The following CP variants were observed in gnomAD, a reference collection of about 807,000 sequenced individuals.
CP encodes ceruloplasmin, also known as caeruloplasmin.
In CP, 64 loss-of-function variants were observed where a neutral mutation model predicts 122.4. The ratio of observed to expected loss-of-function variants is 0.52; its 90% CI spans 0.43 to 0.64. The LOEUF (loss-of-function observed/expected upper bound fraction) is 0.64, where lower values mean the gene tolerates loss of function less well. Ranked by LOEUF, CP falls within the 30% of genes least tolerant of loss-of-function variation. The pLI, the probability that CP is intolerant of heterozygous loss-of-function variation, is 0.00. For missense variants in CP, 1,167 were observed against 1,284.4 expected (o/e 0.91, Z 1.40); for synonymous variants, 440 against 436.4 (o/e 1.01, Z -0.10).
intron 14 of CP, among the ~76,000 whole-genome samples, 156 bp downstream of exon 14, chr3:149,181,849 G>A (rs1187187030): frequency 2.0e-5 from 3 of 151,970 alleles, no homozygotes; most frequent in Admixed American, 6.6e-5. Flanking sequence ...GCATGTGCAT[G>A]TACTTGCATA....
Position 149,221,745 on chromosome 3 carries a change from T to A in CP, c.48A>T (p.Pro16=). The A allele has an allele frequency of 6.2e-7, 1 of 1,613,818 alleles. No individual in the cohort carries two copies. The change falls in exon 1 of 19, where the codon CCA becomes CCT. Residue 16 remains proline, a synonymous_variant. Coordinates refer to ENST00000264613, the MANE Select transcript of CP (RefSeq NM_000096.4). ...AATAATGCTTTTCTTTCGCCCAGGC[T>A]GGGGTACTACATAAAAACAGAAAAA... The part of the protein sequence containing the change: ...LGIFLFLCST[P]AWAKEKHYYI...
chr3:149,182,234 G>T (rs544243544), intron 13 of CP, 101 bp from the exon 14 acceptor site: 1 of 1,359,064 alleles, frequency 7.4e-7, no homozygotes, highest in Non-Finnish European at 1.0e-6. Context: ...CCATGGGTTT[G>T]TGGTATAATA....
chr3:149,195,305 C>T (rs1726828291), intron 9 of CP, among the ~76,000 whole-genome samples: 1 of 152,120 alleles, frequency 6.6e-6, no homozygotes, highest in African/African-American at 2.4e-5. Flanking sequence ...AGCTTTTGTC[C>T]CAACAATACA....
Position 149,207,485 on chromosome 3 carries a change from G to A in CP, c.914C>T (p.Thr305Ile), listed in dbSNP as rs1727820693. 1.2e-6 allele frequency: 2 copies of A among 1,613,876 alleles called. No individual in the cohort carries two copies. The highest frequency in any genetic ancestry group is 2.7e-5 in the African/African-American group (2 of 74,912). The change falls in exon 5 of 19, where the codon ACT (threonine) becomes ATT (isoleucine). Residue 305 changes from threonine (T) to isoleucine (I), a missense_variant. This residue lies in a region of CP where 642 missense variants were observed against 627.3 expected (regional missense o/e 1.02). Transcript: ENST00000264613. ...HAAFFHGQAL[T>I]NKNYRIDTIN... ...TGTGTCAATACGGTAGTTCTTGTTA[G>A]TCAGTGCTTGCCCGTGAAAGAAAGC...
At chr3:149,184,841 G>A (rs1726045336) in intron 12 of CP, among the ~76,000 whole-genome samples, 1 of 152,302 alleles carries the variant, frequency 6.6e-6, no homozygotes, top group Non-Finnish European at 1.5e-5. Flanking sequence ...ATGACCGATT[G>A]TTAGACTAAC....
rs759315393 is a variant in CP, at chr3:149,186,633, ACATCGG to A, written c.1958_1963del (p.Ala653_Asp654del). On this transcript the variant is annotated inframe_deletion, in exon 11 of 19. Coordinates refer to ENST00000264613, the MANE Select transcript of CP (RefSeq NM_000096.4). ...GTTTCCTGAAAAGTATATTCCATGT[ACATCGG>A]CCTCATTTCCGGCGCTGAATAAGTA... 9 of 1,614,182 alleles carry A rather than the reference ACATCGG, an allele frequency of 5.6e-6. No homozygotes were observed. Among genetic ancestry groups the A allele is most frequent in the Non-Finnish European group, 6.8e-6 (8 of 1,180,026 alleles).
downstream of CP, among the ~76,000 whole-genome samples, chr3:149,169,536 G>A (rs567324549): frequency 1.3e-4 from 20 of 152,194 alleles, no homozygotes; most frequent in Admixed American, 2.6e-4. Flanking sequence ...GTAATTGTCC[G>A]TGTGCGTGGG....
intron 18 of CP, among the ~76,000 whole-genome samples, chr3:149,175,158 TTACATGCAA>T (rs1226828024): frequency 7.2e-5 from 11 of 152,094 alleles, no homozygotes; most frequent in African/African-American, 2.7e-4. Flanking sequence ...TTTGTGTGGT[TTACATGCAA>T]CCACATGTAA....
intron 1 of CP, among the ~76,000 whole-genome samples, chr3:149,219,971 C>T (rs57469291): frequency 5.9e-5 from 9 of 152,154 alleles, no homozygotes; most frequent in African/African-American, 2.2e-4. Flanking sequence ...TCCATTAAAC[C>T]TCTTTTTCTT....
intron 9 of CP, among the ~76,000 whole-genome samples, chr3:149,195,823 G>A (rs1726863161): frequency 6.7e-6 from 1 of 148,938 alleles, no homozygotes; most frequent in Non-Finnish European, 1.5e-5. Context: ...CTGAGATCAT[G>A]CCACTGCACT....
In CP at chr3:149,207,334, A is replaced by G. The variant is rs746141659; in HGVS notation, c.1036+29T>C. ...TCCCAGTAACCACCTTTTTCAGCTG[A>G]CTGCTAATTTCAGGTAAAGATGTCC... is the stretch of plus-strand genomic sequence containing the variant. On this transcript the variant is annotated intron_variant, in intron 5 of 18. Coordinates refer to ENST00000264613, the MANE Select transcript of CP (RefSeq NM_000096.4). 34 of 1,613,628 alleles carry G rather than the reference A, an allele frequency of 2.1e-5. No homozygotes were observed. In the South Asian group the frequency reaches 3.3e-4, roughly 16 times the overall value.
In CP at chr3:149,179,645, CGTAA is replaced by C. The variant is rs1176712883; in HGVS notation, c.2568_2571del (p.Val858GlyfsTer35). 3.7e-6 allele frequency: 6 copies of C among 1,603,740 alleles called. No individual in the cohort carries two copies. In the African/African-American group the frequency reaches 4.0e-5, roughly 11 times the overall value. On this transcript the variant is annotated frameshift_variant, in exon 15 of 19. Transcript: ENST00000264613. LOFTEE classifies it high-confidence loss of function. ...CCAGATCTTTCTGGGATTTTCCATA[CGTAA>C]GTGAGAGTTTCACCTAAATTCATCA...
chr3:149,221,828 G>A lies in CP; in HGVS notation c.-36C>T. The A allele has an allele frequency of 1.2e-6, 2 of 1,607,930 alleles. No homozygotes were observed. The highest frequency in any genetic ancestry group is 8.5e-7 in the Non-Finnish European group (1 of 1,175,106). On this transcript the variant is annotated 5_prime_UTR_variant, in exon 1 of 19. Transcript: ENST00000264613. ...TTCTTGGAGCCTGAGAAGAAATGAA[G>A]TAAAATCAGGAGCAGGCAATTTTAT...
chr3:149,182,007 G>T lies in CP; in HGVS notation c.2552C>A (p.Pro851Gln). 1 of 1,404,600 alleles carries T rather than the reference G, an allele frequency of 7.1e-7. No individual in the cohort carries two copies. The highest frequency in any genetic ancestry group is 9.6e-7 in the Non-Finnish European group (1 of 1,042,870). 87.0% of individuals were successfully genotyped at this position (1,404,600 alleles called of 1,614,324 possible). A position where few individuals can be genotyped will look rare whatever the true frequency, so the allele number is the denominator to read the frequency against. Residue 851 changes from proline (P) to glutamine (Q), a missense_variant and splice_region_variant, in exon 14 of 19, where the codon CCA becomes CAA. Physicochemically the swap from Pro to Gln is moderately conservative, Grantham distance 76 (BLOSUM62 -1). Transcript: ENST00000264613. Reference protein sequence around the residue: ...TESSTVTPTLPGETLTYVWKI... With the variant: ...TESSTVTPTLQGETLTYVWKI... ...CCCACCCCCGCCCCCGTGAGTACCT[G>T]GTAATGTTGGAGTAACTGTAGAACT...
At chr3:149,216,121 A>C (rs1728440966) in intron 1 of CP, among the ~76,000 whole-genome samples, 1 of 152,208 alleles carries the variant, frequency 6.6e-6, no homozygotes, top group Non-Finnish European at 1.5e-5. Context: ...TAATTGAGAC[A>C]TATATTTTTT....
intron 1 of CP, among the ~76,000 whole-genome samples, chr3:149,221,072 T>C (rs1232033431): frequency 2.6e-5 from 4 of 152,202 alleles, no homozygotes; most frequent in Non-Finnish European, 5.9e-5. Context: ...CCAAGCATTG[T>C]ACTAAGAGCT....
At chr3:149,172,023 GT>G, downstream of CP, 1 of 1,511,380 alleles carries the variant, frequency 6.6e-7, no homozygotes, top group Non-Finnish European at 9.1e-7. Context: ...CTTCTAATTG[GT>G]TGGTTAAGTA....
intron 11 of CP, chr3:149,186,153 G>T: frequency 3.1e-6 from 1 of 326,726 alleles, no homozygotes; most frequent in Non-Finnish European, 5.9e-6. Flanking sequence ...CTACATCTAG[G>T]CTACAGAGAC....
chr3:149,212,470 A>G lies in CP; in HGVS notation c.375T>C (p.Thr125=), dbSNP rs531080961. 2.5e-6 allele frequency: 4 copies of G among 1,614,012 alleles called. No individual in the cohort carries two copies. In the African/African-American group the frequency reaches 5.3e-5, roughly 22 times the overall value. The change falls in exon 2 of 19, where the codon ACT becomes ACC. Residue 125 remains threonine, a synonymous_variant. Coordinates refer to ENST00000264613, the MANE Select transcript of CP (RefSeq NM_000096.4). ...RPYTFHSHGI[T]YYKEHEGAIY... ...ACTTACCCTCATGTTCCTTATAGTA[A>G]GTTATTCCATGTGAATGAAAGGTGT... is the stretch of plus-strand genomic sequence containing the variant.
Sources: gnomAD v4.1 joint callset for allele counts (sites outside exome capture counted in the v4.1 genomes callset) on GRCh38, gnomAD v4.1.1 for gene constraint, gnomAD v4.1.1 regional missense constraint, MANE v1.5 for transcripts, NCBI Gene and HGNC (gene_info 2026-07-23, HGNC 2026-07-21) for gene names.